RAD50: variants seen among roughly 807,000 people sequenced by gnomAD.
RAD50 encodes DNA repair protein RAD50.
In RAD50, 132 loss-of-function variants were observed where a neutral mutation model predicts 168.8. The ratio of observed to expected loss-of-function variants is 0.78; its 90% confidence interval spans 0.68 to 0.90. RAD50 has a LOEUF of 0.90. Among genes scored for constraint, RAD50 ranks in the 40% least tolerant of loss-of-function variants. The pLI is 0.00. For synonymous variants in RAD50, 525 were observed against 497.4 expected (o/e 1.06, Z -0.74); for missense variants, 1,347 against 1,534.4 (o/e 0.88, Z 2.04).
rs1390520555 is a variant in RAD50 at position 132,570,621 on chromosome 5, A to G, written c.214-5156A>G. Among the ~76,000 whole-genome samples, 3 of 152,196 alleles carry G rather than the reference A, an allele frequency of 2.0e-5. No homozygotes were observed. The East Asian group carries it at 5.8e-4, about 29-fold the overall frequency. ...TCTTTACTTCTCTCAGCCTTCATAG[A>G]ATTGCAGAGAGTTGGGGCTTTGCTC... is the stretch of plus-strand genomic sequence containing the variant. On this transcript the variant is annotated intron_variant, in intron 2 of 24. Transcript: ENST00000378823.
At chr5:132,581,476 A>T (rs899447193) in intron 5 of RAD50, among the ~76,000 whole-genome samples, 1 of 152,214 alleles carries the variant, frequency 6.6e-6, no homozygotes, top group Non-Finnish European at 1.5e-5. Flanking sequence ...CTAGTAAAAA[A>T]GTTATAAAAG....
chr5:132,632,253 T>C (rs1252095632), intron 21 of RAD50, among the ~76,000 whole-genome samples: 1 of 152,240 alleles, frequency 6.6e-6, no homozygotes, highest in Admixed American at 6.5e-5. Context: ...TTCAGCCTTG[T>C]ATTACAGATA....
intron 21 of RAD50, among the ~76,000 whole-genome samples, chr5:132,631,523 C>G (rs932373762): frequency 2.6e-5 from 4 of 152,192 alleles, no homozygotes; most frequent in African/African-American, 9.7e-5. Flanking sequence ...GGTGGTGGAG[C>G]TGATACACTA....
intron 2 of RAD50, among the ~76,000 whole-genome samples, chr5:132,573,123 G>A (rs1750335958): frequency 6.6e-6 from 1 of 152,132 alleles, no homozygotes; most frequent in Non-Finnish European, 1.5e-5. Flanking sequence ...TGTTTTGTAG[G>A]AAATACTGGT....
At position 132,637,169 on chromosome 5, in the gene RAD50, T is replaced by C. The variant is rs1159262705; in HGVS notation, c.3444T>C (p.Arg1148=). The change falls in exon 22 of 25, where the codon CGT becomes CGC. Residue 1148 remains arginine (R), a synonymous_variant. Transcript: ENST00000378823. ...TGGAAGAAATCAATAAAATTATACGTGACCTGTGGCGAAGTACCTATCGTG... is the reference window on the plus strand; with the variant it reads ...TGGAAGAAATCAATAAAATTATACGCGACCTGTGGCGAAGTACCTATCGTG... The part of the protein sequence containing the change: ...MKMEEINKII[R]DLWRSTYRGQ... The C allele has an allele frequency of 1.2e-6, 2 of 1,612,326 alleles. No homozygotes were observed. The highest frequency in any genetic ancestry group is 2.7e-5 in the African/African-American group (2 of 74,882).
At position 132,637,714 on chromosome 5, in the gene RAD50, A is replaced by C. The variant is rs552221388; in HGVS notation, c.3476-367A>C. Among the ~76,000 whole-genome samples the C allele has an allele frequency of 2.6e-5, 4 of 152,132 alleles. No individual in the cohort carries two copies. The South Asian group carries it at 8.3e-4, about 32-fold the overall frequency. On this transcript the variant is annotated intron_variant, in intron 22 of 24. Transcript: ENST00000378823. Reference sequence around the variant, plus strand: ...CACCTGGCTAATTTTTTGTATTCTTAGTAGAGATGGGGTTTCACCATGTTG... The same window carrying C: ...CACCTGGCTAATTTTTTGTATTCTTCGTAGAGATGGGGTTTCACCATGTTG...
intron 20 of RAD50, among the ~76,000 whole-genome samples, 187 bp from the exon 21 acceptor site, chr5:132,617,883 T>C (rs1751204359): frequency 6.6e-6 from 1 of 152,172 alleles, no homozygotes; most frequent in Non-Finnish European, 1.5e-5. Flanking sequence ...GGCAGAGATA[T>C]GGAAGGAAGA....
intron 23 of RAD50, among the ~76,000 whole-genome samples, chr5:132,639,422 C>T (rs1440367252): frequency 3.3e-5 from 5 of 151,862 alleles, no homozygotes; most frequent in African/African-American, 1.2e-4. Context: ...CAGCTGATCC[C>T]AATTTAAAGC....
chr5:132,600,973 C>T (rs894489635), intron 13 of RAD50, among the ~76,000 whole-genome samples: 1 of 151,794 alleles, frequency 6.6e-6, no homozygotes, highest in African/African-American at 2.4e-5. Flanking sequence ...CCTTGTGAAT[C>T]GTGAGAAAAA....
chr5:132,600,353 G>C (rs764312216), intron 13 of RAD50, among the ~76,000 whole-genome samples: 8 of 152,172 alleles, frequency 5.3e-5, no homozygotes, highest in Non-Finnish European at 1.0e-4. Context: ...AAACTTGAGA[G>C]AAGTGAGGGA....
chr5:132,604,137 C>A (rs1014608120), intron 15 of RAD50, 91 bp downstream of exon 15: 1 of 1,476,784 alleles, frequency 6.8e-7, no homozygotes, highest in Admixed American at 1.7e-5. Flanking sequence ...GTTACATGGA[C>A]AACGAAGTTC....
rs185753310 is a variant in RAD50, at chr5:132,573,083, T to C, written c.214-2694T>C. On this transcript the variant is annotated intron_variant, in intron 2 of 24. Coordinates refer to ENST00000378823, the MANE Select transcript of RAD50 (RefSeq NM_005732.4). ...TGTGGTAATAATATATCAGTATCAG[T>C]TTCCTGATTTTTGTTGTTGAAAATG... 3.9e-5 allele frequency among the ~76,000 whole-genome samples: 6 copies of C among 152,318 alleles called. No homozygotes were observed. In the East Asian group the frequency reaches 1.2e-3, roughly 29 times the overall value.
chr5:132,642,914 T>C lies in RAD50; in HGVS notation c.*550T>C. 1 of 428,680 alleles carries C rather than the reference T, an allele frequency of 2.3e-6. No homozygotes were observed. Among genetic ancestry groups the C allele is most frequent in the South Asian group, 2.0e-5 (1 of 49,616 alleles). The allele number at this position is 428,680 out of a possible 1,614,324, so 26.6% of individuals were successfully genotyped here. On this transcript the variant is annotated 3_prime_UTR_variant, in exon 25 of 25. Transcript: ENST00000378823. Reference sequence around the variant, plus strand: ...TGGTTTCCCCAACTAAAATTTGAAGTAGTTGAATGGGGTCTCAAAGTTTGA... The same window carrying C: ...TGGTTTCCCCAACTAAAATTTGAAGCAGTTGAATGGGGTCTCAAAGTTTGA...
intron 2 of RAD50, among the ~76,000 whole-genome samples, chr5:132,573,029 G>A (rs1750334378): frequency 6.6e-6 from 1 of 152,172 alleles, no homozygotes; most frequent in South Asian, 2.1e-4. Context: ...TGGAACAACT[G>A]GCAAAACTTG....
At chr5:132,579,135 T>C (rs1750455104) in intron 3 of RAD50, among the ~76,000 whole-genome samples, 182 bp from the exon 4 acceptor site, 1 of 152,230 alleles carries the variant, frequency 6.6e-6, no homozygotes, top group Non-Finnish European at 1.5e-5. Context: ...TATCTTTTCA[T>C]CTGTGAACCG....
At chr5:132,624,948 A>C (rs867245168) in intron 21 of RAD50, among the ~76,000 whole-genome samples, 22 of 152,056 alleles carry the variant, frequency 1.4e-4, no homozygotes, top group South Asian at 4.1e-4. Flanking sequence ...AAAAATAAAA[A>C]TGGATATTAA....
At chr5:132,614,756 C>A (rs906810817) in intron 19 of RAD50, among the ~76,000 whole-genome samples, 1 of 151,088 alleles carries the variant, frequency 6.6e-6, no homozygotes, top group Non-Finnish European at 1.5e-5. Flanking sequence ...TAGATGTGGA[C>A]CCTGTGGATA....
rs576883057 is a variant in RAD50 at position 132,623,396 on chromosome 5, C to T, written c.3389+5102C>T. Among the ~76,000 whole-genome samples, 609 of 152,248 alleles carry T rather than the reference C, an allele frequency of 4.0e-3. 3 individuals are homozygous for T. Among genetic ancestry groups the T allele is most frequent in the Non-Finnish European group, 7.1e-3 (486 of 68,014 alleles). On this transcript the variant is annotated intron_variant, in intron 21 of 24. Coordinates refer to ENST00000378823, the MANE Select transcript of RAD50 (RefSeq NM_005732.4). ...ACTCAGGAGGCTGAGGCAGGAGAAT[C>T]GCTTGAACTGGGAAGTAGAGGTTGC...
chr5:132,618,390 T>A, intron 21 of RAD50, 96 bp downstream of exon 21: 1 of 1,530,742 alleles, frequency 6.5e-7, no homozygotes, highest in Non-Finnish European at 8.8e-7. Context: ...TTCTTTTTTA[T>A]TTTTTGAGAC....
Sources: allele counts gnomAD v4.1 joint callset (sites outside exome capture counted in the v4.1 genomes callset), GRCh38; gene constraint gnomAD v4.1.1; transcripts MANE v1.5; gene names NCBI Gene and HGNC (gene_info 2026-07-23, HGNC 2026-07-21).